TDP2: variants seen among roughly 807,000 people sequenced by gnomAD.
TDP2 encodes the protein tyrosyl-DNA phosphodiesterase 2.
TDP2 carries 38 observed loss-of-function variants against 42.8 expected under a neutral mutation model. The observed-to-expected ratio is 0.89, with a 90% CI of 0.68 to 1.16. The LOEUF (loss-of-function observed/expected upper bound fraction) is 1.16. Among genes scored for constraint, TDP2 ranks in the 50% most tolerant of loss-of-function variants. The pLI is 0.00. For missense variants in TDP2, 439 were observed against 439.3 expected, an observed-to-expected ratio of 1.00 and a Z score of 0.01; for synonymous variants, 173 against 150.6, an observed-to-expected ratio of 1.15 and a Z score of -1.09.
intron 4 of TDP2, among the ~76,000 whole-genome samples, chr6:24,656,070 A>T (rs1262628993): frequency 6.6e-6 from 1 of 152,228 alleles, no homozygotes; most frequent in African/African-American, 2.4e-5. Flanking sequence ...GACATAACAT[A>T]ATCAAAATAA....
chr6:24,656,136 CA>C (rs1448543518), intron 4 of TDP2, among the ~76,000 whole-genome samples: 2 of 151,776 alleles, frequency 1.3e-5, no homozygotes, highest in African/African-American at 4.8e-5. Context: ...CTAAAACAAA[CA>C]AAAAACTAAC....
chr6:24,660,282 G>A (rs531691981), intron 2 of TDP2, among the ~76,000 whole-genome samples: 7 of 152,216 alleles, frequency 4.6e-5, no homozygotes, highest in African/African-American at 1.4e-4. Flanking sequence ...TTGGAGAAGC[G>A]TGTCATTAGG....
At chr6:24,662,610 T>C (rs956620598) in intron 2 of TDP2, among the ~76,000 whole-genome samples, 1 of 152,116 alleles carries the variant, frequency 6.6e-6, no homozygotes, top group African/African-American at 2.4e-5. Context: ...GGGATAGTGA[T>C]CAATAAATAC....
At chr6:24,654,893 T>C (rs1022130949) in intron 4 of TDP2, among the ~76,000 whole-genome samples, 7 of 151,946 alleles carry the variant, frequency 4.6e-5, no homozygotes, top group Admixed American at 2.0e-4. Context: ...ACAAAATTAG[T>C]CGGGCGTGGT....
At chr6:24,652,658 T>TA (rs17243578) in intron 6 of TDP2, among the ~76,000 whole-genome samples, 1,825 of 147,798 alleles carry the variant, frequency 0.012, 27 homozygotes, top group African/African-American at 0.033. Context: ...CACCTAGGAA[T>TA]ACTGCAAAGA....
At chr6:24,651,123 T>TAA in intron 6 of TDP2, 54 bp from the exon 7 acceptor site, 1 of 1,114,898 alleles carries the variant, frequency 9.0e-7, no homozygotes. Context: ...GCCCACTAAC[T>TAA]TAAAAAAAAA....
At chr6:24,658,009 G>A in intron 3 of TDP2, 106 bp from the exon 4 acceptor site, 1 of 677,656 alleles carries the variant, frequency 1.5e-6, no homozygotes, top group Non-Finnish European at 2.5e-6. Context: ...AAACCCTCTA[G>A]GGCACCTAAT....
intron 2 of TDP2, among the ~76,000 whole-genome samples, chr6:24,661,516 A>C (rs146544499): frequency 6.6e-6 from 1 of 152,158 alleles, no homozygotes; most frequent in East Asian, 1.9e-4. Context: ...GGAATCAGTC[A>C]TTTCTTTTTA....
intron 2 of TDP2, among the ~76,000 whole-genome samples, chr6:24,663,183 C>T (rs925426248): frequency 3.9e-5 from 6 of 152,106 alleles, no homozygotes; most frequent in African/African-American, 1.4e-4. Context: ...GGCACAATTC[C>T]AAGTGTTTTA....
intron 4 of TDP2, among the ~76,000 whole-genome samples, chr6:24,655,858 C>G (rs558164210): frequency 6.6e-6 from 1 of 152,318 alleles, no homozygotes; most frequent in African/African-American, 2.4e-5. Context: ...AACACACTGA[C>G]AATTGTGGGT....
intron 2 of TDP2, chr6:24,666,181 C>A: frequency 6.4e-7 from 1 of 1,550,590 alleles, no homozygotes; most frequent in African/African-American, 1.4e-5. Context: ...AGCAAGGAGA[C>A]TTCCAAGTTG....
At chr6:24,653,488 C>A (rs950962474) in intron 5 of TDP2, among the ~76,000 whole-genome samples, 3 of 152,124 alleles carry the variant, frequency 2.0e-5, no homozygotes, top group Admixed American at 2.0e-4. Flanking sequence ...ATTAAAAGGA[C>A]AATTATTTCC....
At position 24,650,338 on chromosome 6, in the gene TDP2, C is replaced by T. The variant is rs537321845; in HGVS notation, c.*450G>A. The stretch of plus-strand genomic sequence containing the variant: ...AGAATAGCTGTCATCTACTTAACTG[C>T]AGATAATCATGGCATTTTCATTTAA... On this transcript the variant is annotated 3_prime_UTR_variant, in exon 7 of 7. Coordinates refer to ENST00000378198, the MANE Select transcript of TDP2 (RefSeq NM_016614.3). 1 of 157,170 alleles carries T rather than the reference C, an allele frequency of 6.4e-6. No homozygotes were observed. The highest frequency in any genetic ancestry group is 1.9e-4 in the East Asian group (1 of 5,280). The allele number at this position is 157,170 out of a possible 1,614,324, so 9.7% of individuals were successfully genotyped here.
At position 24,650,868 on chromosome 6, in the gene TDP2, G is replaced by C. The variant is rs148051522; in HGVS notation, c.1009C>G (p.Leu337Val). ...CCACAGTCCAGTTTTTCTAATCCAA[G>C]AAGGTCCAAACTTCGGGGAATAATG... ...GHIIPRSLDL[L>V]GLEKLDCGRF... is the part of the protein sequence containing the mutation. The change falls in exon 7 of 7, where the codon CTT becomes GTT. Residue 337 changes from leucine (L) to valine (V), a missense_variant. Coordinates refer to ENST00000378198, the MANE Select transcript of TDP2 (RefSeq NM_016614.3). The C allele has an allele frequency of 9.9e-6, 16 of 1,614,120 alleles. No homozygotes were observed. In the East Asian group the frequency reaches 3.6e-4, roughly 36 times the overall value.
In TDP2 at chr6:24,666,814, C is replaced by T; in HGVS notation, c.49G>A (p.Glu17Lys). 1.2e-6 allele frequency: 2 copies of T among 1,614,216 alleles called. No individual in the cohort carries two copies. The highest frequency in any genetic ancestry group is 1.7e-6 in the Non-Finnish European group (2 of 1,180,036). ...CGCTTTTTCACCTCAGGCTCGCCCT[C>T]TTCCTCCGCCGCCTCCCTCCCGCCC... ...LEGGREAAEE[E>K]GEPEVKKRRL... The change falls in exon 1 of 7, where the codon GAG (glutamate) becomes AAG (lysine). Residue 17 changes from glutamate (E) to lysine (K), a missense_variant. Physicochemically the swap from Glu to Lys is moderately conservative, Grantham distance 56 (BLOSUM62 1). Transcript: ENST00000378198.
chr6:24,654,133 A>G (rs899428347), intron 5 of TDP2, among the ~76,000 whole-genome samples: 6 of 152,224 alleles, frequency 3.9e-5, no homozygotes, highest in Non-Finnish European at 8.8e-5. Context: ...AAAATATAGC[A>G]GCATGTATAG....
chr6:24,659,988 A>C (rs1778115956), intron 2 of TDP2, among the ~76,000 whole-genome samples: 1 of 152,134 alleles, frequency 6.6e-6, no homozygotes, highest in African/African-American at 2.4e-5. Context: ...TCCCCCAACC[A>C]ATACCCCAGA....
chr6:24,650,746 T>C lies in TDP2; in HGVS notation c.*42A>G. The C allele has an allele frequency of 1.3e-6, 2 of 1,590,388 alleles. No homozygotes were observed. The highest frequency in any genetic ancestry group is 1.7e-6 in the Non-Finnish European group (2 of 1,165,622). On this transcript the variant is annotated 3_prime_UTR_variant, in exon 7 of 7. Coordinates refer to ENST00000378198, the MANE Select transcript of TDP2 (RefSeq NM_016614.3). Reference sequence around the variant, plus strand: ...CTACCTTTCCAGAAGGTGGAAATTGTATTTGCAACAATCAGGGCAAAACCC... The same window carrying C: ...CTACCTTTCCAGAAGGTGGAAATTGCATTTGCAACAATCAGGGCAAAACCC...
Position 24,666,874 on chromosome 6 carries a change from CT to C in TDP2, c.-13del. On this transcript the variant is annotated 5_prime_UTR_variant, in exon 1 of 7. Coordinates refer to ENST00000378198, the MANE Select transcript of TDP2 (RefSeq NM_016614.3). ...CTCCCCAACTCCATCTTCCTGCCGC[CT>C]CTGCACCGCCCCTTTAAGCGGAACA... is the stretch of plus-strand genomic sequence containing the variant. 1.2e-6 allele frequency: 2 copies of C among 1,612,988 alleles called. No homozygotes were observed. Among genetic ancestry groups the C allele is most frequent in the Non-Finnish European group, 1.7e-6 (2 of 1,180,038 alleles).
Sources: allele counts gnomAD v4.1 joint callset (sites outside exome capture counted in the v4.1 genomes callset), GRCh38; gene constraint gnomAD v4.1.1; transcripts MANE v1.5; gene names NCBI Gene and HGNC (gene_info 2026-07-23, HGNC 2026-07-21).